The following RICTOR variants were observed in gnomAD, a reference collection of about 807,000 sequenced individuals.
RICTOR encodes rapamycin-insensitive companion of mTOR.
Under a neutral mutation model 214.9 loss-of-function variants are expected in RICTOR, and 49 were observed. The observed-to-expected ratio is 0.23, with a 90% CI of 0.18 to 0.29. RICTOR has a LOEUF of 0.29. Among genes scored for constraint, RICTOR ranks in the 10% least tolerant of loss-of-function variants. The pLI, the probability that RICTOR is intolerant of heterozygous loss-of-function variation, is 1.00. For synonymous variants in RICTOR, 717 were observed against 711.3 expected (o/e 1.01, Z -0.13); for missense variants, 1,625 against 2,047.0 (o/e 0.79, Z 3.98).
At chr5:39,001,901 A>C (rs1222346630) in intron 5 of RICTOR, among the ~76,000 whole-genome samples, 1 of 152,146 alleles carries the variant, frequency 6.6e-6, no homozygotes, top group Non-Finnish European at 1.5e-5. Flanking sequence ...TAATAGTAGA[A>C]GTATAATCAG....
chr5:38,965,315 C>A (rs886961471), intron 15 of RICTOR, among the ~76,000 whole-genome samples: 1 of 151,918 alleles, frequency 6.6e-6, no homozygotes, highest in Non-Finnish European at 1.5e-5. Flanking sequence ...AAACTACTTT[C>A]TCAAAATAGA....
rs760812014 is a variant in RICTOR at position 39,074,342 on chromosome 5, G to T, written c.36C>A (p.Asn12Lys). The change falls in exon 1 of 38, where the codon AAC becomes AAA. Residue 12 changes from asparagine (N) to lysine (K), a missense_variant. Coordinates refer to ENST00000357387, the MANE Select transcript of RICTOR (RefSeq NM_152756.5). ...CAGCGGGCTTACCTCGTACTCGGAG[G>T]TTCTTCAGAGAGCGGCCGCGGCCGA... is the stretch of plus-strand genomic sequence containing the variant. Reference protein sequence around the residue: ...AAIGRGRSLKNLRVRGRNDSG... With the variant: ...AAIGRGRSLKKLRVRGRNDSG... 8 of 1,532,058 alleles carry T rather than the reference G, an allele frequency of 5.2e-6. No individual in the cohort carries two copies. In the East Asian group the frequency reaches 1.3e-4, roughly 25 times the overall value. The allele number at this position is 1,532,058 out of a possible 1,614,324, so 94.9% of individuals were successfully genotyped here. A position where few individuals can be genotyped will look rare whatever the true frequency, so the allele number is the denominator to read the frequency against.
Position 39,003,571 on chromosome 5 carries a change from C to T in RICTOR, c.247G>A (p.Asp83Asn), listed in dbSNP as rs1283878755. Residue 83 changes from aspartate (D) to asparagine (N), a missense_variant, in exon 4 of 38, where the codon GAT becomes AAT. Coordinates refer to ENST00000357387, the MANE Select transcript of RICTOR (RefSeq NM_152756.5). Reference protein sequence around the residue: ...SEEKLGFHYEDIIICLRLALL... With the variant: ...SEEKLGFHYENIIICLRLALL... ...AACCACACTTACCAAATTATGATATCCTCATAGTGAAAGCCCAGTTTTTCT... is the reference window on the plus strand; with the variant it reads ...AACCACACTTACCAAATTATGATATTCTCATAGTGAAAGCCCAGTTTTTCT... 1 of 1,606,346 alleles carries T rather than the reference C, an allele frequency of 6.2e-7. No individual in the cohort carries two copies. Among genetic ancestry groups the T allele is most frequent in the South Asian group, 1.1e-5 (1 of 90,332 alleles).
intron 7 of RICTOR, among the ~76,000 whole-genome samples, chr5:38,983,535 A>G (rs1751899146): frequency 6.6e-6 from 1 of 152,252 alleles, no homozygotes; most frequent in Non-Finnish European, 1.5e-5. Context: ...GAAATTCACC[A>G]TTAAGAATAG....
At chr5:38,980,406 T>C (rs1373635312) in intron 8 of RICTOR, among the ~76,000 whole-genome samples, 1 of 152,230 alleles carries the variant, frequency 6.6e-6, no homozygotes, top group Non-Finnish European at 1.5e-5. Context: ...AGGGGACTGA[T>C]CACCTTATTC....
chr5:39,060,784 T>G (rs927018754), intron 2 of RICTOR, among the ~76,000 whole-genome samples: 1 of 151,974 alleles, frequency 6.6e-6, no homozygotes, highest in Admixed American at 6.6e-5. Context: ...TCATTTAGTC[T>G]TAGTCATATG....
rs116044376 is a variant in RICTOR at position 39,012,229 on chromosome 5, T to C, written c.196-8607A>G. Among the ~76,000 whole-genome samples, 1,165 of 152,266 alleles carry C rather than the reference T, an allele frequency of 7.7e-3. 15 individuals are homozygous for C. The highest frequency in any genetic ancestry group is 0.027 in the African/African-American group (1,116 of 41,552). On this transcript the variant is annotated intron_variant, in intron 3 of 37. Transcript: ENST00000357387. ...GACTTCCTTCCCCCTTAAAAAGTCC[T>C]CTGAGAGAACTATCAGTGGTTTTAT...
At chr5:39,020,994 A>C (rs183598082) in intron 3 of RICTOR, 45 bp downstream of exon 3, 3 of 930,812 alleles carry the variant, frequency 3.2e-6, no homozygotes, top group Non-Finnish European at 5.4e-6. Flanking sequence ...AAGTGTGGTA[A>C]GGAACAAAGA....
chr5:38,966,801 ATTTT>A, intron 14 of RICTOR, 80 bp from the exon 15 acceptor site: 1 of 549,422 alleles, frequency 1.8e-6, no homozygotes, highest in Non-Finnish European at 3.1e-6. Context: ...ATTTTTCAAA[ATTTT>A]TTTTTTTTTT....
intron 27 of RICTOR, among the ~76,000 whole-genome samples, chr5:38,953,811 G>C (rs1449193406): frequency 6.6e-6 from 1 of 151,732 alleles, no homozygotes; most frequent in African/African-American, 2.4e-5. Flanking sequence ...CTAATATCTA[G>C]AAGAGTGATA....
In RICTOR at chr5:38,959,184, G is replaced by A; in HGVS notation, c.2178+11C>T. The A allele has an allele frequency of 6.3e-7, 1 of 1,575,306 alleles. No homozygotes were observed. The highest frequency in any genetic ancestry group is 8.6e-7 in the Non-Finnish European group (1 of 1,162,372). ...TTATAAATATAGTTTTACTGGCTAT[G>A]TTATACTCACATCAGTAGCTGCAGT... is the stretch of plus-strand genomic sequence containing the variant. On this transcript the variant is annotated intron_variant, in intron 22 of 37. Coordinates refer to ENST00000357387, the MANE Select transcript of RICTOR (RefSeq NM_152756.5).
In RICTOR at chr5:39,021,155, C is replaced by A. The variant is rs146755873; in HGVS notation, c.98-19G>T. On this transcript the variant is annotated intron_variant, in intron 2 of 37. Transcript: ENST00000357387. ...GAAGGTTCTAGAAGGAAAGACAAGACAATTTAACACAATTTTATGAGTATT... is the reference window on the plus strand; with the variant it reads ...GAAGGTTCTAGAAGGAAAGACAAGAAAATTTAACACAATTTTATGAGTATT... 457 of 1,222,800 alleles carry A rather than the reference C, an allele frequency of 3.7e-4. 4 individuals are homozygous for A. In the African/African-American group the frequency reaches 5.4e-3, roughly 14 times the overall value. The allele number at this position is 1,222,800 out of a possible 1,614,324, so 75.7% of individuals were successfully genotyped here. A position where few individuals can be genotyped will look rare whatever the true frequency, so the allele number is the denominator to read the frequency against.
In RICTOR at chr5:38,966,889, C is replaced by T. The variant is rs145110237; in HGVS notation, c.1219-168G>A. The T allele has an allele frequency of 6.8e-3, 4,002 of 587,974 alleles. 23 individuals carry two copies. Among genetic ancestry groups the T allele is most frequent in the Non-Finnish European group, 9.5e-3 (3,166 of 333,812 alleles). 36.4% of individuals were successfully genotyped at this position (587,974 alleles called of 1,614,324 possible). A position where few individuals can be genotyped will look rare whatever the true frequency, so the allele number is the denominator to read the frequency against. ...GATCTCAGCTCAGTATAACCTCTGC[C>T]TTCCGGGTTCAAGCAATTCTCGTGT... On this transcript the variant is annotated intron_variant, in intron 14 of 37. Coordinates refer to ENST00000357387, the MANE Select transcript of RICTOR (RefSeq NM_152756.5).
At position 38,939,340 on chromosome 5, in the gene RICTOR, A is replaced by G. The variant is rs1561424331; in HGVS notation, c.*2964T>C. 1 of 232,340 alleles carries G rather than the reference A, an allele frequency of 4.3e-6. No homozygotes were observed. Among genetic ancestry groups the G allele is most frequent in the Non-Finnish European group, 8.5e-6 (1 of 117,608 alleles). The allele number at this position is 232,340 out of a possible 1,614,324, so 14.4% of individuals were successfully genotyped here. A position where few individuals can be genotyped will look rare whatever the true frequency, so the allele number is the denominator to read the frequency against. Reference sequence around the variant, plus strand: ...TGTCATTTCAAAAGGACTTGTACACATTATGTTAATAATGTATATACTTCC... The same window carrying G: ...TGTCATTTCAAAAGGACTTGTACACGTTATGTTAATAATGTATATACTTCC... On this transcript the variant is annotated 3_prime_UTR_variant, in exon 38 of 38. Transcript: ENST00000357387.
intron 25 of RICTOR, among the ~76,000 whole-genome samples, chr5:38,956,538 C>T (rs1749280983): frequency 6.6e-6 from 1 of 151,992 alleles, no homozygotes; most frequent in Non-Finnish European, 1.5e-5. Context: ...CGTGGATACC[C>T]TTCTTCTAAT....
intron 3 of RICTOR, among the ~76,000 whole-genome samples, chr5:39,007,351 A>C (rs1003936818): frequency 5.3e-5 from 8 of 151,948 alleles, no homozygotes; most frequent in Non-Finnish European, 1.0e-4. Flanking sequence ...TCTGTCTCCT[A>C]ATCTACACTT....
rs911157269 is a variant in RICTOR at position 38,940,775 on chromosome 5, A to T, written c.*1529T>A. 1 of 232,182 alleles carries T rather than the reference A, an allele frequency of 4.3e-6. No individual in the cohort carries two copies. 14.4% of individuals were successfully genotyped at this position (232,182 alleles called of 1,614,324 possible). A position where few individuals can be genotyped will look rare whatever the true frequency, so the allele number is the denominator to read the frequency against. ...TTCAGTTCCAGTAAATAAATTTTTT[A>T]AAAAAGTATCTCTGTGAGTTATGTT... On this transcript the variant is annotated 3_prime_UTR_variant, in exon 38 of 38. Transcript: ENST00000357387.
chr5:39,056,975 A>G (rs1251003188), intron 2 of RICTOR, among the ~76,000 whole-genome samples: 1 of 152,192 alleles, frequency 6.6e-6, no homozygotes, highest in Admixed American at 6.5e-5. Flanking sequence ...TATAGTGGCA[A>G]TTTATTTAAA....
chr5:38,944,820 A>G (rs1283747746), intron 35 of RICTOR, 93 bp downstream of exon 35: 3 of 1,243,412 alleles, frequency 2.4e-6, no homozygotes, highest in East Asian at 4.6e-5. Flanking sequence ...TTTTGAGACA[A>G]CTTTAATTTA....
Sources: gnomAD v4.1 joint callset for allele counts (sites outside exome capture counted in the v4.1 genomes callset) on GRCh38, gnomAD v4.1.1 for gene constraint, MANE v1.5 for transcripts, NCBI Gene and HGNC (gene_info 2026-07-23, HGNC 2026-07-21) for gene names.